LUZP2: variants seen among roughly 807,000 people sequenced by gnomAD.
The protein encoded by LUZP2 is leucine zipper protein 2.
A neutral mutation model predicts 51.6 loss-of-function variants in LUZP2; 52 were observed. The ratio of observed to expected loss-of-function variants is 1.01; its 90% confidence interval spans 0.81 to 1.27. The LOEUF is 1.27. LUZP2 is among the 50% of genes most tolerant of loss of function. LUZP2 has a pLI of 0.00. For missense variants in LUZP2, 436 were observed against 395.4 expected (o/e 1.10, Z -0.87); for synonymous variants, 154 against 137.3 (o/e 1.12, Z -0.85).
intron 5 of LUZP2, among the ~76,000 whole-genome samples, chr11:24,785,603 G>A (rs2134083394): frequency 6.6e-6 from 1 of 151,956 alleles, no homozygotes; most frequent in Admixed American, 6.6e-5. Context: ...GAAGTTTAAT[G>A]AGCTTGACAA....
intron 5 of LUZP2, among the ~76,000 whole-genome samples, chr11:24,893,769 C>T (rs1324125460): frequency 4.5e-5 from 1 of 22,260 alleles, no homozygotes; most frequent in Non-Finnish European, 9.6e-5. Flanking sequence ...CACAAATACA[C>T]ACGCACACAC....
At position 24,844,302 on chromosome 11, in the gene LUZP2, C is replaced by T. The variant is rs113617652; in HGVS notation, c.397-61689C>T. On this transcript the variant is annotated intron_variant, in intron 5 of 11. Coordinates refer to ENST00000336930, the MANE Select transcript of LUZP2 (RefSeq NM_001009909.4). ...TGTTATGTTTTAACAAAGAGACTGGCAGCATTTTGCCCCTGCCCTAGAGAT... is the reference window on the plus strand; with the variant it reads ...TGTTATGTTTTAACAAAGAGACTGGTAGCATTTTGCCCCTGCCCTAGAGAT... Among the ~76,000 whole-genome samples, 595 of 152,228 alleles carry T rather than the reference C, an allele frequency of 3.9e-3. 4 individuals carry two copies. Among genetic ancestry groups the T allele is most frequent in the African/African-American group, 0.014 (570 of 41,538 alleles).
intron 1 of LUZP2, among the ~76,000 whole-genome samples, chr11:24,543,823 C>CAAAAAAAAA (rs71041774): frequency 0.014 from 1,059 of 75,486 alleles, 188 homozygotes; most frequent in African/African-American, 0.051. Flanking sequence ...CTCTGTCTCA[C>CAAAAAAAAA]AAAAAAAAAA....
chr11:25,049,968 C>A, intron 9 of LUZP2, 70 bp from the exon 10 acceptor site: 2 of 781,980 alleles, frequency 2.6e-6, no homozygotes, highest in Non-Finnish European at 2.0e-6. Context: ...CGATTTGGAT[C>A]TATTTGTTCA....
intron 10 of LUZP2, among the ~76,000 whole-genome samples, chr11:25,066,291 G>A (rs12361667): frequency 0.37 from 55,603 of 151,612 alleles, 12,467 homozygotes; most frequent in East Asian, 0.78. Context: ...GGAAAGGGGA[G>A]GCATGAGAGT....
intron 10 of LUZP2, among the ~76,000 whole-genome samples, chr11:25,055,035 G>A (rs1339813337): frequency 1.4e-5 from 2 of 141,894 alleles, no homozygotes; most frequent in Non-Finnish European, 3.0e-5. Context: ...TTTTCGAGGC[G>A]GAGTCTCGCT....
At chr11:24,506,206 G>T (rs370050369) in intron 1 of LUZP2, among the ~76,000 whole-genome samples, 1 of 152,088 alleles carries the variant, frequency 6.6e-6, no homozygotes, top group East Asian at 1.9e-4. Context: ...GGAATGTAGC[G>T]TGCTTGGAAA....
At chr11:24,562,791 G>A (rs1158942536) in intron 1 of LUZP2, among the ~76,000 whole-genome samples, 1 of 150,818 alleles carries the variant, frequency 6.6e-6, no homozygotes, top group African/African-American at 2.4e-5. Flanking sequence ...GAACCCGGGA[G>A]GCGAAGCTTA....
intron 1 of LUZP2, among the ~76,000 whole-genome samples, chr11:24,547,809 C>T (rs1851605765): frequency 1.3e-5 from 2 of 152,150 alleles, no homozygotes; most frequent in South Asian, 4.1e-4. Context: ...TATTTGCAAA[C>T]TATGCATCTG....
At chr11:24,714,692 C>T (rs1857969769) in intron 1 of LUZP2, among the ~76,000 whole-genome samples, 1 of 152,136 alleles carries the variant, frequency 6.6e-6, no homozygotes, top group Non-Finnish European at 1.5e-5. Flanking sequence ...TTTTGACATG[C>T]TCATGAATCC....
intron 9 of LUZP2, among the ~76,000 whole-genome samples, chr11:25,017,485 C>T (rs1565233440): frequency 6.6e-6 from 1 of 152,198 alleles, no homozygotes; most frequent in African/African-American, 2.4e-5. Flanking sequence ...TGTGGCTATC[C>T]AGTTTTCTTT....
intron 1 of LUZP2, among the ~76,000 whole-genome samples, chr11:24,722,086 T>C (rs1858293367): frequency 6.6e-6 from 1 of 152,206 alleles, no homozygotes; most frequent in African/African-American, 2.4e-5. Context: ...CCAGGTTGTT[T>C]GCAGGTCTAA....
chr11:24,736,059 T>G (rs1858924931), intron 3 of LUZP2, among the ~76,000 whole-genome samples: 1 of 151,952 alleles, frequency 6.6e-6, no homozygotes, highest in Non-Finnish European at 1.5e-5. Flanking sequence ...CTGATAGTGT[T>G]CTTTGGCAGG....
chr11:24,924,078 C>CT (rs895235542), intron 7 of LUZP2, among the ~76,000 whole-genome samples: 48 of 147,722 alleles, frequency 3.2e-4, no homozygotes, highest in East Asian at 1.8e-3. Context: ...CACTCCCCGG[C>CT]TTTTTTTTTT....
intron 7 of LUZP2, among the ~76,000 whole-genome samples, chr11:24,935,027 T>C (rs1351565051): frequency 2.0e-5 from 3 of 152,204 alleles, no homozygotes; most frequent in South Asian, 4.1e-4. Flanking sequence ...AGCTAAATAA[T>C]GTACAAGAAT....
intron 10 of LUZP2, among the ~76,000 whole-genome samples, chr11:25,053,216 A>G (rs1162091317): frequency 6.6e-6 from 1 of 152,122 alleles, no homozygotes; most frequent in Non-Finnish European, 1.5e-5. Context: ...TGAGCCCCAA[A>G]TGTATGTTTT....
At chr11:24,560,520 A>G (rs1852006675) in intron 1 of LUZP2, among the ~76,000 whole-genome samples, 1 of 152,150 alleles carries the variant, frequency 6.6e-6, no homozygotes, top group Non-Finnish European at 1.5e-5. Flanking sequence ...AAAACCTGAG[A>G]GACAAGAAAA....
At chr11:24,893,118 T>C (rs147635113) in intron 5 of LUZP2, 68 of 152,306 alleles carry the variant, frequency 4.5e-4, no homozygotes, top group African/African-American at 1.6e-3. Flanking sequence ...ATAGTCACAA[T>C]AATGTCACAG....
chr11:24,703,629 C>T (rs1314150851), intron 1 of LUZP2, among the ~76,000 whole-genome samples: 1 of 151,804 alleles, frequency 6.6e-6, no homozygotes, highest in Non-Finnish European at 1.5e-5. Flanking sequence ...TCGAGACCAG[C>T]CTGGCCAACA....
Sources: allele counts gnomAD v4.1 joint callset (sites outside exome capture counted in the v4.1 genomes callset), GRCh38; gene constraint gnomAD v4.1.1; transcripts MANE v1.5; gene names NCBI Gene and HGNC (gene_info 2026-07-23, HGNC 2026-07-21).